The following DCP1B variants were observed in gnomAD, a reference collection of about 807,000 sequenced individuals.
DCP1B encodes decapping mRNA 1B.
DCP1B carries 47 observed loss-of-function variants against 60.5 expected under a neutral mutation model. The ratio of observed to expected loss-of-function variants is 0.78; its 90% CI spans 0.61 to 0.99. The LOEUF is 0.99. Among genes scored for constraint, DCP1B ranks in the 50% least tolerant of loss-of-function variants. The pLI is 0.00. For synonymous variants in DCP1B, 267 were observed against 280.3 expected, an observed-to-expected ratio of 0.95 and a Z score of 0.47; for missense variants, 725 against 756.8, an observed-to-expected ratio of 0.96 and a Z score of 0.49.
At chr12:1,985,075 G>T (rs977370542) in intron 3 of DCP1B, among the ~76,000 whole-genome samples, 12 of 151,248 alleles carry the variant, frequency 7.9e-5, no homozygotes, top group African/African-American at 2.7e-4. Flanking sequence ...CAGTTTGATT[G>T]TGACTGTCAT....
chr12:1,987,750 A>G (rs1348813653), intron 3 of DCP1B, among the ~76,000 whole-genome samples: 1 of 152,168 alleles, frequency 6.6e-6, no homozygotes, highest in Non-Finnish European at 1.5e-5. Flanking sequence ...TCCTTCCAAT[A>G]TAATGCTTTC....
At chr12:1,970,057 G>A (rs191211759) in intron 3 of DCP1B, among the ~76,000 whole-genome samples, 317 of 152,252 alleles carry the variant, frequency 2.1e-3, no homozygotes, top group African/African-American at 7.5e-3. Flanking sequence ...GGTATCTTTC[G>A]TTTGATGTTA....
chr12:1,993,053 T>C (rs947345677), intron 3 of DCP1B: 3 of 709,200 alleles, frequency 4.2e-6, no homozygotes, highest in Middle Eastern at 2.4e-4. Context: ...TAGGTTTATA[T>C]CATCATATTT....
At chr12:1,970,933 T>G (rs868083711) in intron 3 of DCP1B, 2 of 407,140 alleles carry the variant, frequency 4.9e-6, no homozygotes, top group Admixed American at 7.8e-5. Context: ...TACGGCCATG[T>G]CAACTTTTGT....
rs776465460 is a variant in DCP1B, at chr12:1,955,492, G to C, written c.591C>G (p.Ile197Met). The change falls in exon 6 of 9, where the codon ATC becomes ATG. Residue 197 changes from isoleucine (I) to methionine (M), a missense_variant. Transcript: ENST00000280665. Reference protein sequence around the residue: ...SSAIYDNPNLIKPIPVKPSEN... With the variant: ...SSAIYDNPNLMKPIPVKPSEN... ...CACTGGGTTTCACTGGAATTGGTTTGATGAGATTTGGATTGTCATAGATGG... is the reference window on the plus strand; with the variant it reads ...CACTGGGTTTCACTGGAATTGGTTTCATGAGATTTGGATTGTCATAGATGG... 6.2e-6 allele frequency: 10 copies of C among 1,613,822 alleles called. No individual in the cohort carries two copies. Among genetic ancestry groups the C allele is most frequent in the Non-Finnish European group, 6.8e-6 (8 of 1,179,882 alleles).
downstream of DCP1B, among the ~76,000 whole-genome samples, chr12:1,945,321 T>G (rs1471334608): frequency 6.6e-6 from 1 of 152,192 alleles, no homozygotes; most frequent in Admixed American, 6.5e-5. Flanking sequence ...CGCTTTTACA[T>G]TGTTGTTGGG....
intron 3 of DCP1B, among the ~76,000 whole-genome samples, chr12:1,969,993 GA>G (rs2031813104): frequency 6.6e-6 from 1 of 152,122 alleles, no homozygotes; most frequent in Non-Finnish European, 1.5e-5. Flanking sequence ...AATGGCAGAG[GA>G]AAAAATGGCC....
chr12:1,978,716 T>C (rs1356309657), intron 3 of DCP1B, among the ~76,000 whole-genome samples: 1 of 152,198 alleles, frequency 6.6e-6, no homozygotes, highest in Non-Finnish European at 1.5e-5. Context: ...AACCAATTTT[T>C]TACTTCTATC....
Position 2,004,281 on chromosome 12 carries a change from C to A in DCP1B, c.150+1G>T. ...CACTGCTCCGCCGCGTCCGCACGCA[C>A]CCACTCGTTGGCCCGATGGCCGAAG... On this transcript the variant is annotated splice_donor_variant, in intron 1 of 8. Coordinates refer to ENST00000280665, the MANE Select transcript of DCP1B (RefSeq NM_152640.5). LOFTEE classifies it high-confidence loss of function. 3 of 1,613,088 alleles carry A rather than the reference C, an allele frequency of 1.9e-6. No individual in the cohort carries two copies. Among genetic ancestry groups the A allele is most frequent in the Non-Finnish European group, 2.5e-6 (3 of 1,179,866 alleles).
intron 3 of DCP1B, among the ~76,000 whole-genome samples, chr12:1,983,619 T>A (rs2036788959): frequency 1.3e-5 from 2 of 152,118 alleles, no homozygotes; most frequent in Non-Finnish European, 2.9e-5. Context: ...TAAAAATTTT[T>A]AAGGTTTGCT....
chr12:2,000,470 TA>T (rs71441668), intron 1 of DCP1B, among the ~76,000 whole-genome samples: 67 of 146,126 alleles, frequency 4.6e-4, no homozygotes, highest in South Asian at 4.3e-4. Context: ...TTTTCTTAAT[TA>T]AAAAAAAAAA....
intron 5 of DCP1B, among the ~76,000 whole-genome samples, chr12:1,957,291 C>A (rs2030917825): frequency 6.6e-6 from 1 of 152,100 alleles, no homozygotes; most frequent in South Asian, 2.1e-4. Context: ...GGTTAAAATA[C>A]AATAAAACCT....
At chr12:1,950,414 G>A (rs2030622762) in intron 7 of DCP1B, 2 of 702,232 alleles carry the variant, frequency 2.8e-6, no homozygotes, top group Non-Finnish European at 5.2e-6. Flanking sequence ...AGAAATTTAA[G>A]TCAGACTATA....
chr12:1,961,628 T>C (rs2031128552), intron 5 of DCP1B, among the ~76,000 whole-genome samples: 1 of 152,184 alleles, frequency 6.6e-6, no homozygotes, highest in Non-Finnish European at 1.5e-5. Flanking sequence ...GTTGACTTAA[T>C]GTAATAAATG....
chr12:1,959,837 G>A (rs12423779), intron 5 of DCP1B, among the ~76,000 whole-genome samples: 1,689 of 152,114 alleles, frequency 0.011, 21 homozygotes, highest in Admixed American at 0.031. Flanking sequence ...GAGGGCGCCT[G>A]TAGTCCCAGC....
intron 3 of DCP1B, among the ~76,000 whole-genome samples, chr12:1,978,740 T>C (rs1297601052): frequency 1.3e-5 from 2 of 152,184 alleles, no homozygotes; most frequent in Non-Finnish European, 2.9e-5. Flanking sequence ...CTAGATTAGT[T>C]TTGCCTGTTC....
Position 1,962,738 on chromosome 12 carries a change from A to T in DCP1B, c.522+2820T>A, listed in dbSNP as rs1196125439. 6.6e-6 allele frequency among the ~76,000 whole-genome samples: 1 copy of T among 152,210 alleles called. No individual in the cohort carries two copies. Among genetic ancestry groups the T allele is most frequent in the Non-Finnish European group, 1.5e-5 (1 of 68,042 alleles). ...AAGGCATCTCTGTCCAGGCCATACA[A>T]TAGAAGGATAATTAAACTGTGGCTC... On this transcript the variant is annotated intron_variant, in intron 5 of 8. Transcript: ENST00000280665. This position sits in a 1 kb window ranked among gnomAD's most constrained non-coding sequence, Gnocchi z 4.4.
At chr12:1,966,707 T>C (rs777007398) in intron 4 of DCP1B, among the ~76,000 whole-genome samples, 3 of 152,190 alleles carry the variant, frequency 2.0e-5, no homozygotes, top group Non-Finnish European at 4.4e-5. Context: ...CACTGCACAA[T>C]TTACAGTAAC....
chr12:1,944,568 A>G (rs939449027), downstream of DCP1B, among the ~76,000 whole-genome samples: 2 of 152,222 alleles, frequency 1.3e-5, no homozygotes, highest in Non-Finnish European at 2.9e-5. Context: ...ACAGCATGGT[A>G]CTGGTACCAA....
Sources: allele counts gnomAD v4.1 joint callset (sites outside exome capture counted in the v4.1 genomes callset), GRCh38; gene constraint gnomAD v4.1.1; non-coding constraint Gnocchi (gnomAD v3.1); transcripts MANE v1.5; gene names NCBI Gene and HGNC (gene_info 2026-07-23, HGNC 2026-07-21).